CIB4: variants seen among roughly 807,000 people sequenced by gnomAD.
CIB4 encodes calcium and integrin binding family member 4.
A neutral mutation model predicts 25.8 loss-of-function variants in CIB4; 25 were observed. The observed-to-expected ratio is 0.97, with a 90% confidence interval of 0.71 to 1.35. The LOEUF is 1.35. CIB4 is among the 40% of genes most tolerant of loss of function. The pLI, the probability that CIB4 is intolerant of heterozygous loss-of-function variation, is 0.00. For missense variants in CIB4, 235 were observed against 228.2 expected (o/e 1.03, Z -0.19); for synonymous variants, 75 against 81.4 (o/e 0.92, Z 0.42).
At chr2:26,588,996 C>T (rs1214303677) in intron 4 of CIB4, among the ~76,000 whole-genome samples, 7 of 8,960 alleles carry the variant, frequency 7.8e-4, no homozygotes, top group African/African-American at 2.1e-3. Flanking sequence ...TCTTCTTCTT[C>T]TTCTTCTTCT....
chr2:26,629,538 G>A (rs1390260172), intron 2 of CIB4, 32 bp from the exon 3 acceptor site: 20 of 1,411,184 alleles, frequency 1.4e-5, no homozygotes, highest in South Asian at 3.7e-5. Flanking sequence ...CCGTGTGGCC[G>A]GGGAAAGGAG....
intron 2 of CIB4, among the ~76,000 whole-genome samples, chr2:26,639,536 G>A (rs1386121030): frequency 6.6e-6 from 1 of 151,944 alleles, no homozygotes; most frequent in Non-Finnish European, 1.5e-5. Flanking sequence ...TTTCAATAGA[G>A]GTTATATGGG....
At chr2:26,625,557 A>C (rs567676936) in intron 3 of CIB4, among the ~76,000 whole-genome samples, 1 of 152,100 alleles carries the variant, frequency 6.6e-6, no homozygotes, top group Non-Finnish European at 1.5e-5. Context: ...TTTCCATGTT[A>C]ATCAGGCTGG....
intron 3 of CIB4, among the ~76,000 whole-genome samples, chr2:26,611,369 T>A (rs1181290286): frequency 6.6e-6 from 1 of 152,220 alleles, no homozygotes; most frequent in African/African-American, 2.4e-5. Flanking sequence ...AAAAACCACA[T>A]GCGAAGAGAC....
At chr2:26,620,953 A>T (rs1669193514) in intron 3 of CIB4, among the ~76,000 whole-genome samples, 1 of 152,200 alleles carries the variant, frequency 6.6e-6, no homozygotes, top group Non-Finnish European at 1.5e-5. Context: ...AATCTTCCAG[A>T]AAGAAGAGCA....
Position 26,583,868 on chromosome 2 carries a change from T to C in CIB4, c.359A>G (p.Glu120Gly), listed in dbSNP as rs573914968. The change falls in exon 5 of 7, where the codon GAG (glutamate) becomes GGG (glycine). Residue 120 changes from glutamate (E) to glycine (G), a missense_variant. Physicochemically the swap from Glu to Gly is moderately conservative, Grantham distance 98. Coordinates refer to ENST00000288861, the MANE Select transcript of CIB4 (RefSeq NM_001029881.3). Reference protein sequence around the residue: ...DFNENGFIDEEDLQRIILRLL... With the variant: ...DFNENGFIDEGDLQRIILRLL... ...TCGCAGGATGATCCTCTGCAGATCC[T>C]CCTCATCAATGAAGCCATTCTCATT... 6.2e-7 allele frequency: 1 copy of C among 1,612,940 alleles called. No homozygotes were observed. Among genetic ancestry groups the C allele is most frequent in the South Asian group, 1.1e-5 (1 of 91,048 alleles).
intron 3 of CIB4, among the ~76,000 whole-genome samples, chr2:26,628,925 G>A (rs1669360431): frequency 6.6e-6 from 1 of 152,162 alleles, no homozygotes. Flanking sequence ...CTAGTTTGGG[G>A]CACAACAGAC....
At chr2:26,591,686 G>T (rs937520570) in intron 4 of CIB4, among the ~76,000 whole-genome samples, 1 of 152,224 alleles carries the variant, frequency 6.6e-6, no homozygotes, top group African/African-American at 2.4e-5. Context: ...CTTGGCAAAA[G>T]TGATGGGCTG....
chr2:26,634,585 T>G (rs1669495115), intron 2 of CIB4, among the ~76,000 whole-genome samples: 1 of 152,210 alleles, frequency 6.6e-6, no homozygotes. Flanking sequence ...TTTATAAGGA[T>G]GGAAACTGAT....
intron 4 of CIB4, among the ~76,000 whole-genome samples, chr2:26,592,936 A>T (rs1378173818): frequency 6.6e-6 from 1 of 152,180 alleles, no homozygotes. Flanking sequence ...GGTTGCCCGG[A>T]TAGCTGGCAA....
intron 3 of CIB4, among the ~76,000 whole-genome samples, chr2:26,611,792 C>T (rs80158507): frequency 3.9e-5 from 6 of 152,080 alleles, no homozygotes; most frequent in Non-Finnish European, 7.4e-5. Flanking sequence ...TGCAATTATG[C>T]GCCATCAAAA....
At position 26,633,550 on chromosome 2, in the gene CIB4, G is replaced by C. The variant is rs114203062; in HGVS notation, c.90-4044C>G. On this transcript the variant is annotated intron_variant, in intron 2 of 6. Coordinates refer to ENST00000288861, the MANE Select transcript of CIB4 (RefSeq NM_001029881.3). ...GAGGGTGCTGGTGGGGTGCCTGCCT[G>C]GAGTTGGTGCCTTCCCAGGCTGCAG... is the stretch of plus-strand genomic sequence containing the variant. 8.3e-3 allele frequency among the ~76,000 whole-genome samples: 1,264 copies of C among 152,258 alleles called. 15 individuals are homozygous for C. The highest frequency in any genetic ancestry group is 0.028 in the African/African-American group (1,162 of 41,540).
rs765763616 is a variant in CIB4, at chr2:26,640,517, C to T, written c.89+16G>A. ...AGGAGCTGGGAGAAGGAAAGAGGGG[C>T]GGGGCTTCTACTCACCACAGAATTT... is the stretch of plus-strand genomic sequence containing the variant. On this transcript the variant is annotated intron_variant, in intron 2 of 6. Transcript: ENST00000288861. 7.4e-6 allele frequency: 12 copies of T among 1,612,192 alleles called. No individual in the cohort carries two copies. The highest frequency in any genetic ancestry group is 1.3e-5 in the African/African-American group (1 of 74,800).
intron 3 of CIB4, among the ~76,000 whole-genome samples, chr2:26,616,474 TC>T (rs1669094586): frequency 6.6e-6 from 1 of 152,190 alleles, no homozygotes; most frequent in East Asian, 1.9e-4. Flanking sequence ...GGAAGATTTG[TC>T]CCGCTGGGGC....
chr2:26,618,288 G>A (rs1669133593), intron 3 of CIB4, among the ~76,000 whole-genome samples: 1 of 152,140 alleles, frequency 6.6e-6, no homozygotes, highest in Non-Finnish European at 1.5e-5. Flanking sequence ...AAGCAGGACT[G>A]TCTTTCCTTT....
intron 3 of CIB4, among the ~76,000 whole-genome samples, chr2:26,617,778 T>G (rs541875053): frequency 1.0e-3 from 156 of 152,318 alleles, no homozygotes; most frequent in African/African-American, 3.6e-3. Context: ...CTCAATCCTT[T>G]GCCCTCTGGC....
At chr2:26,621,415 A>C (rs972746126) in intron 3 of CIB4, among the ~76,000 whole-genome samples, 6 of 152,200 alleles carry the variant, frequency 3.9e-5, no homozygotes, top group African/African-American at 1.4e-4. Flanking sequence ...ACTCTCAGTC[A>C]AAGGCCAGTT....
chr2:26,590,268 A>AAAAAAAAAAAAAAAAAAAC, intron 4 of CIB4, among the ~76,000 whole-genome samples: 1 of 150,782 alleles, frequency 6.6e-6, no homozygotes, highest in Admixed American at 6.6e-5. Context: ...TAAAAAAAAA[A>AAAAAAAAAAAAAAAAAAAC]AAAAAAAAAA....
chr2:26,588,112 G>A (rs1022726226), intron 4 of CIB4, among the ~76,000 whole-genome samples: 2 of 152,228 alleles, frequency 1.3e-5, no homozygotes, highest in South Asian at 2.1e-4. Flanking sequence ...TGAAGGGGGC[G>A]AAGGGACCAG....
Sources: allele counts gnomAD v4.1 joint callset (sites outside exome capture counted in the v4.1 genomes callset), GRCh38; gene constraint gnomAD v4.1.1; transcripts MANE v1.5; gene names NCBI Gene and HGNC (gene_info 2026-07-23, HGNC 2026-07-21).